CFAP47: variants seen among roughly 807,000 people sequenced by gnomAD.
The protein encoded by CFAP47 is cilia and flagella associated protein 47.
CFAP47 carries 29 observed loss-of-function variants against 148.1 expected under a neutral mutation model. The ratio of observed to expected loss-of-function variants is 0.20; its 90% CI spans 0.15 to 0.27. The LOEUF (loss-of-function observed/expected upper bound fraction) is 0.27. CFAP47 is among the 10% of genes least tolerant of loss of function. The probability of loss-of-function intolerance (pLI) is 1.00; values close to 1 mark genes in which losing one functional copy is unlikely to be tolerated. For synonymous variants in CFAP47, 664 were observed against 577.3 expected (o/e 1.15, Z -2.15); for missense variants, 1,872 against 1,697.5 (o/e 1.10, Z -1.81).
chrX:36,209,474 A>G (rs782328116), intron 45 of CFAP47, among the ~76,000 whole-genome samples: 2 of 111,533 alleles, frequency 1.8e-5, no homozygotes, highest in Non-Finnish European at 3.8e-5. Context: ...TTTAAATCTT[A>G]TAAGATCAAA....
intron 8 of CFAP47, among the ~76,000 whole-genome samples, chrX:35,958,345 G>T (rs1303434659): frequency 9.0e-6 from 1 of 111,593 alleles, no homozygotes; most frequent in Non-Finnish European, 1.9e-5. Context: ...AAACATTCAT[G>T]TACAACTTTT....
intron 43 of CFAP47, among the ~76,000 whole-genome samples, 164 bp from the exon 44 acceptor site, chrX:36,201,110 C>A (rs1258695365): frequency 1.8e-5 from 2 of 111,614 alleles, no homozygotes; most frequent in Non-Finnish European, 3.8e-5. Context: ...TCTTTAATTA[C>A]TGAATTAGAA....
chrX:36,350,215 C>A, intron 59 of CFAP47, 83 bp downstream of exon 59: 3 of 623,104 alleles, frequency 4.8e-6, no homozygotes, highest in Non-Finnish European at 7.6e-6. Context: ...TGTTTGAAGT[C>A]CAGAGAAAGT....
chrX:36,314,240 T>A (rs1556010497), intron 56 of CFAP47, among the ~76,000 whole-genome samples: 2 of 111,324 alleles, frequency 1.8e-5, no homozygotes, highest in Admixed American at 1.9e-4. Flanking sequence ...CTTTATATAT[T>A]TTATATATTT....
At chrX:36,014,299 G>A (rs897406628) in intron 21 of CFAP47, among the ~76,000 whole-genome samples, 2 of 110,915 alleles carry the variant, frequency 1.8e-5, no homozygotes, top group African/African-American at 6.5e-5. Flanking sequence ...ATGTACTTTG[G>A]ATACAAGATA....
At chrX:36,296,003 C>G (rs1556006642) in intron 51 of CFAP47, among the ~76,000 whole-genome samples, 1 of 111,809 alleles carries the variant, frequency 8.9e-6, no homozygotes, top group African/African-American at 3.2e-5. Flanking sequence ...CAGAGATTTT[C>G]AAGAGATTGC....
intron 26 of CFAP47, among the ~76,000 whole-genome samples, chrX:36,050,912 G>A (rs765587613): frequency 8.9e-6 from 1 of 112,415 alleles, no homozygotes; most frequent in East Asian, 2.8e-4. Flanking sequence ...TGGCTAAAAG[G>A]GGTCAAGGTA....
intron 2 of CFAP47, among the ~76,000 whole-genome samples, chrX:35,930,897 T>A (rs116066346): frequency 0.015 from 1,671 of 111,822 alleles, 28 homozygotes; most frequent in African/African-American, 0.051. Context: ...CAGCTTTCTA[T>A]CGTTGACTTT....
chrX:36,065,105 T>C (rs956439722), intron 26 of CFAP47, among the ~76,000 whole-genome samples: 16 of 112,100 alleles, frequency 1.4e-4, no homozygotes, highest in African/African-American at 5.2e-4. Context: ...TTCTGAAATC[T>C]GAACATAAAC....
chrX:36,096,785 C>T (rs1235067833), intron 30 of CFAP47, among the ~76,000 whole-genome samples: 3 of 110,372 alleles, frequency 2.7e-5, no homozygotes, highest in African/African-American at 9.9e-5. Flanking sequence ...GATCTTTGTT[C>T]ATCCATTCAA....
At chrX:36,173,727 G>A (rs183847608) in intron 39 of CFAP47, among the ~76,000 whole-genome samples, 14 of 111,455 alleles carry the variant, frequency 1.3e-4, no homozygotes, top group South Asian at 3.8e-4. Flanking sequence ...CAAGTATGTC[G>A]TCAATTTTGG....
intron 48 of CFAP47, among the ~76,000 whole-genome samples, chrX:36,239,281 C>T (rs1410461500): frequency 2.7e-5 from 3 of 112,120 alleles, no homozygotes; most frequent in Non-Finnish European, 3.8e-5. Flanking sequence ...TTGTCAAAAT[C>T]GAATTTTTCA....
chrX:35,960,380 G>GAAAAAAAAAAAAAAAAAAAAAAA lies in CFAP47; in HGVS notation c.1410+4189_1410+4211dup, dbSNP rs1188987905. On this transcript the variant is annotated intron_variant, in intron 8 of 63. Coordinates refer to ENST00000378653, the MANE Select transcript of CFAP47 (RefSeq NM_001304548.2). ...CTTTAACATTAGCTTGCTAATTTCT[G>GAAAAAAAAAAAAAAAAAAAAAAA]AAAAAAAAAAAAAAAAAAAAAAAAA... Among the ~76,000 whole-genome samples the GAAAAAAAAAAAAAAAAAAAAAAA allele has an allele frequency of 4.5e-4, 7 of 15,482 alleles. 3 individuals carry two copies. The highest frequency in any genetic ancestry group is 1.8e-3 in the African/African-American group (7 of 3,814). The allele number at this position is 15,482 out of a possible 115,157, so 13.4% of individuals were successfully genotyped here.
intron 51 of CFAP47, among the ~76,000 whole-genome samples, chrX:36,297,381 T>TA (rs1941252763): frequency 8.9e-6 from 1 of 112,367 alleles, no homozygotes; most frequent in African/African-American, 3.2e-5. Context: ...ATAAATTTCA[T>TA]AACAGCTCCA....
intron 51 of CFAP47, among the ~76,000 whole-genome samples, chrX:36,290,016 G>C (rs782766018): frequency 9.1e-6 from 1 of 110,131 alleles, no homozygotes; most frequent in Admixed American, 9.7e-5. Flanking sequence ...TCCCCCAGTC[G>C]TCCCATTCTC....
chrX:36,310,760 A>G (rs969006531), intron 55 of CFAP47, 73 bp from the exon 56 acceptor site: 9 of 691,989 alleles, frequency 1.3e-5, no homozygotes, highest in Non-Finnish European at 1.8e-5. Context: ...TATATGCATT[A>G]TACTTATTAA....
intron 15 of CFAP47, among the ~76,000 whole-genome samples, chrX:35,987,449 C>T (rs139453519): frequency 0.023 from 2,504 of 111,081 alleles, 82 homozygotes; most frequent in African/African-American, 0.078. Flanking sequence ...TAATGGCAGA[C>T]GCCCCTCCCC....
At chrX:35,938,115 T>C (rs1020241230) in intron 2 of CFAP47, among the ~76,000 whole-genome samples, 3 of 111,940 alleles carry the variant, frequency 2.7e-5, no homozygotes, top group Admixed American at 9.6e-5. Context: ...AAAATACTTA[T>C]ATGCCTTTTT....
In CFAP47 at chrX:36,228,828, T is replaced by C. The variant is rs781914460; in HGVS notation, c.7014+4T>C. The C allele has an allele frequency of 1.9e-6, 1 of 515,220 alleles. No homozygotes were observed. Among genetic ancestry groups the C allele is most frequent in the Non-Finnish European group, 3.5e-6 (1 of 281,851 alleles). The allele number at this position is 515,220 out of a possible 1,213,427, so 42.5% of individuals were successfully genotyped here. ...CCTTACTCAGAATATTCCAATAGTA[T>C]GTATAAACTTTTTTGGTACCTTTCT... is the stretch of plus-strand genomic sequence containing the variant. On this transcript the variant is annotated splice_donor_region_variant and intron_variant, in intron 46 of 63. Coordinates refer to ENST00000378653, the MANE Select transcript of CFAP47 (RefSeq NM_001304548.2).
Sources: gnomAD v4.1 joint callset for allele counts (sites outside exome capture counted in the v4.1 genomes callset) on GRCh38, gnomAD v4.1.1 for gene constraint, MANE v1.5 for transcripts, NCBI Gene and HGNC (gene_info 2026-07-23, HGNC 2026-07-21) for gene names.